Variants in ZWILCH observed in about 807,000 individuals in gnomAD.
The protein encoded by ZWILCH is protein zwilch homolog.
Under a neutral mutation model 79.9 loss-of-function variants are expected in ZWILCH, and 74 were observed. The observed-to-expected ratio is 0.93, with a 90% CI of 0.77 to 1.12. The LOEUF is 1.12. ZWILCH is among the 50% of genes most tolerant of loss of function. The pLI, the probability that ZWILCH is intolerant of heterozygous loss-of-function variation, is 0.00. For synonymous variants in ZWILCH, 241 were observed against 228.2 expected (o/e 1.06, Z -0.51); for missense variants, 694 against 687.5 (o/e 1.01, Z -0.11).
intron 17 of ZWILCH, among the ~76,000 whole-genome samples, chr15:66,542,870 TAAG>T (rs1229228728): frequency 2.6e-5 from 4 of 152,128 alleles, no homozygotes; most frequent in African/African-American, 9.7e-5. Flanking sequence ...TCACCTATAA[TAAG>T]AGAAATGCAA....
chr15:66,537,080 A>G, intron 15 of ZWILCH, 88 bp from the exon 16 acceptor site: 3 of 928,500 alleles, frequency 3.2e-6, no homozygotes, highest in Non-Finnish European at 5.0e-6. Flanking sequence ...ACTCAATAAA[A>G]TGTTTCCCTT....
At chr15:66,507,114 G>A (rs1249588002) in intron 1 of ZWILCH, among the ~76,000 whole-genome samples, 1 of 152,072 alleles carries the variant, frequency 6.6e-6, no homozygotes, top group Non-Finnish European at 1.5e-5. Context: ...ACCCACTTTG[G>A]CCTCCTAAAG....
intron 16 of ZWILCH, among the ~76,000 whole-genome samples, chr15:66,538,386 CTT>C (rs201783019): frequency 1.9e-4 from 27 of 144,446 alleles, no homozygotes; most frequent in East Asian, 4.0e-4. Flanking sequence ...TCAGTAAGCA[CTT>C]TTTTTTTTTT....
intron 4 of ZWILCH, among the ~76,000 whole-genome samples, chr15:66,516,308 A>T (rs1346937995): frequency 6.6e-6 from 1 of 152,028 alleles, no homozygotes; most frequent in African/African-American, 2.4e-5. Context: ...CTGCCTCCCC[A>T]CTGTGTAGCT....
At chr15:66,539,219 A>G (rs1197102555) in intron 16 of ZWILCH, among the ~76,000 whole-genome samples, 10 of 152,066 alleles carry the variant, frequency 6.6e-5, no homozygotes, top group Admixed American at 6.6e-5. Context: ...CCTGGGCAAC[A>G]CGGTGAAACC....
At chr15:66,529,634 A>G (rs1257988027) in intron 12 of ZWILCH, 61 bp downstream of exon 12, 3 of 1,308,696 alleles carry the variant, frequency 2.3e-6, no homozygotes, top group Non-Finnish European at 2.2e-6. Context: ...GTAAAGACAC[A>G]GGCTCTGAAG....
At chr15:66,520,387 C>T (rs1894448318) in intron 5 of ZWILCH, 1 of 474,506 alleles carries the variant, frequency 2.1e-6, no homozygotes, top group Non-Finnish European at 3.8e-6. Flanking sequence ...TCCTAAAGTG[C>T]TGGGATTATA....
At chr15:66,547,104 A>G (rs1895398708) in intron 18 of ZWILCH, 1 of 152,216 alleles carries the variant, frequency 6.6e-6, no homozygotes, top group Non-Finnish European at 1.5e-5. Context: ...GCCCAACTAT[A>G]GGACAAGCCC....
intron 4 of ZWILCH, among the ~76,000 whole-genome samples, chr15:66,517,430 G>GTGTGTGTGTGTATATATATATATATA: frequency 7.5e-5 from 5 of 66,516 alleles, no homozygotes; most frequent in South Asian, 4.8e-4. Flanking sequence ...GTGTGTGTGT[G>GTGTGTGTGTGTATATATATATATATA]TATATATATA....
At chr15:66,513,610 C>A (rs1005871260) in intron 2 of ZWILCH, among the ~76,000 whole-genome samples, 2 of 150,724 alleles carry the variant, frequency 1.3e-5, no homozygotes, top group African/African-American at 4.9e-5. Flanking sequence ...CTCACTCTGT[C>A]CCCCAGGCTG....
intron 18 of ZWILCH, 34 bp downstream of exon 18, chr15:66,546,739 A>G: frequency 8.4e-7 from 1 of 1,197,384 alleles, no homozygotes; most frequent in South Asian, 1.5e-5. Context: ...TCTTTGTCAA[A>G]TACTTTGTAA....
intron 18 of ZWILCH, chr15:66,547,382 T>C (rs1895417096): frequency 6.6e-6 from 1 of 151,840 alleles, no homozygotes; most frequent in Non-Finnish European, 1.5e-5. Flanking sequence ...GTATTTTTAG[T>C]AGAGACATTT....
intron 15 of ZWILCH, among the ~76,000 whole-genome samples, chr15:66,536,877 C>T (rs1895032090): frequency 6.6e-6 from 1 of 151,862 alleles, no homozygotes; most frequent in Admixed American, 6.6e-5. Flanking sequence ...TAACCTCTTT[C>T]TCCCCACGAA....
Position 66,521,074 on chromosome 15 carries a change from T to C in ZWILCH, c.616T>C (p.Tyr206His), listed in dbSNP as rs1399583525. Residue 206 changes from tyrosine to histidine, a missense_variant, in exon 7 of 19, where the codon TAT becomes CAT. By Grantham distance (83) the Tyr-to-His change is moderately conservative. Transcript: ENST00000307897. ...GGTAACATCCAAAGGCTTTGCCCAG[T>C]ATGAGCTCTTTAAGTCCTCTGCCTT... ...STVTSKGFAQYELFKSSALDD... is the reference protein window; with the variant it reads ...STVTSKGFAQHELFKSSALDD... 6.2e-7 allele frequency: 1 copy of C among 1,614,048 alleles called. No individual in the cohort carries two copies. Among genetic ancestry groups the C allele is most frequent in the Non-Finnish European group, 8.5e-7 (1 of 1,180,026 alleles).
intron 16 of ZWILCH, among the ~76,000 whole-genome samples, chr15:66,537,963 G>T (rs1895067024): frequency 6.6e-6 from 1 of 152,140 alleles, no homozygotes; most frequent in South Asian, 2.1e-4. Flanking sequence ...AGTATAGCCA[G>T]AAAGGAAATG....
chr15:66,524,559 G>A (rs1437777171), intron 8 of ZWILCH: 2 of 152,102 alleles, frequency 1.3e-5, no homozygotes, highest in East Asian at 3.8e-4. Flanking sequence ...TGCTAGGTGA[G>A]CTCTCTGTGA....
At chr15:66,544,720 G>GTTTTTTTT (rs1555426549) in intron 17 of ZWILCH, among the ~76,000 whole-genome samples, 12 of 141,392 alleles carry the variant, frequency 8.5e-5, no homozygotes, top group East Asian at 2.2e-4. Context: ...TGTTTTTTTG[G>GTTTTTTTT]TTTTTGTGTG....
chr15:66,544,724 T>TTTTTTGTGTGTGTGTGTGTGTGTG, intron 17 of ZWILCH, among the ~76,000 whole-genome samples: 1 of 128,544 alleles, frequency 7.8e-6, no homozygotes, highest in East Asian at 2.5e-4. Flanking sequence ...TTTTTGGTTT[T>TTTTTTGTGTGTGTGTGTGTGTGTG]TGTGTGTGTG....
At chr15:66,518,288 CTT>C (rs537865347) in intron 4 of ZWILCH, among the ~76,000 whole-genome samples, 6 of 124,014 alleles carry the variant, frequency 4.8e-5, no homozygotes, top group Non-Finnish European at 6.7e-5. Flanking sequence ...CCTCTCGTGT[CTT>C]TTTTTTTTTT....
Sources: gnomAD v4.1 joint callset for allele counts (sites outside exome capture counted in the v4.1 genomes callset) on GRCh38, gnomAD v4.1.1 for gene constraint, MANE v1.5 for transcripts, NCBI Gene and HGNC (gene_info 2026-07-23, HGNC 2026-07-21) for gene names.